Variants in MLIP observed in about 807,000 individuals in gnomAD.
MLIP encodes the protein muscular LMNA-interacting protein.
In MLIP, 79 loss-of-function variants were observed where a neutral mutation model predicts 84.8. The ratio of observed to expected loss-of-function variants is 0.93; its 90% CI spans 0.78 to 1.12. The LOEUF (loss-of-function observed/expected upper bound fraction) is 1.12, where lower values mean the gene tolerates loss of function less well. MLIP is among the 50% of genes most tolerant of loss of function. MLIP has a pLI of 0.00. For synonymous variants in MLIP, 504 were observed against 463.0 expected (o/e 1.09, Z -1.14); for missense variants, 1,257 against 1,160.6 (o/e 1.08, Z -1.21).
At position 54,157,193 on chromosome 6, in the gene MLIP, C is replaced by T. The variant is rs548019018; in HGVS notation, c.2290-3174C>T. ...AAAATCCTGTCCTGAGGAGCTGGCTCTTAATCCTGGTCTTTAATTTCTGAC... is the reference window on the plus strand; with the variant it reads ...AAAATCCTGTCCTGAGGAGCTGGCTTTTAATCCTGGTCTTTAATTTCTGAC... On this transcript the variant is annotated intron_variant, in intron 5 of 13. Transcript: ENST00000502396. Among the ~76,000 whole-genome samples, 5 of 152,166 alleles carry T rather than the reference C, an allele frequency of 3.3e-5. No homozygotes were observed. The South Asian group carries it at 1.0e-3, about 32-fold the overall frequency.
chr6:54,040,258 T>C (rs1764667599), intron 1 of MLIP, among the ~76,000 whole-genome samples: 1 of 151,970 alleles, frequency 6.6e-6, no homozygotes, highest in African/African-American at 2.4e-5. Flanking sequence ...GGACTGATGA[T>C]AACCCATTCA....
At chr6:54,202,823 A>G (rs1562052582) in intron 11 of MLIP, among the ~76,000 whole-genome samples, 1 of 152,200 alleles carries the variant, frequency 6.6e-6, no homozygotes, top group African/African-American at 2.4e-5. Flanking sequence ...GTTGAAGCCC[A>G]GGCGGTTGAG....
intron 1 of MLIP, among the ~76,000 whole-genome samples, chr6:54,076,329 T>C (rs531708043): frequency 2.0e-5 from 3 of 152,322 alleles, no homozygotes; most frequent in African/African-American, 7.2e-5. Context: ...TGTGCAAACA[T>C]TGGCAATGTG....
chr6:54,036,388 C>T (rs1345635673), intron 1 of MLIP, among the ~76,000 whole-genome samples: 1 of 151,824 alleles, frequency 6.6e-6, no homozygotes, highest in Non-Finnish European at 1.5e-5. Context: ...AACTCCCAGT[C>T]ACCAGTGTAT....
At chr6:54,153,710 G>T (rs1251599799) in intron 5 of MLIP, among the ~76,000 whole-genome samples, 3 of 151,946 alleles carry the variant, frequency 2.0e-5, no homozygotes, top group Non-Finnish European at 4.4e-5. Context: ...AATTTAACTG[G>T]GTATGGTGGC....
chr6:54,090,683 G>A (rs1767810979), intron 1 of MLIP, among the ~76,000 whole-genome samples: 1 of 151,286 alleles, frequency 6.6e-6, no homozygotes, highest in Admixed American at 6.6e-5. Context: ...GTGTGTGTGT[G>A]TGAGACAGAG....
intron 9 of MLIP, among the ~76,000 whole-genome samples, chr6:54,184,823 G>A (rs1461792824): frequency 6.6e-6 from 1 of 151,574 alleles, no homozygotes; most frequent in African/African-American, 2.4e-5. Flanking sequence ...TTTCTTATAT[G>A]ATTAAAACAA....
intron 1 of MLIP, among the ~76,000 whole-genome samples, chr6:54,059,709 A>G (rs1765855787): frequency 6.6e-6 from 1 of 152,174 alleles, no homozygotes; most frequent in Admixed American, 6.5e-5. Context: ...CAAGATTAGT[A>G]TTATTGGTAT....
chr6:54,130,987 G>A (rs1771325787), intron 3 of MLIP, among the ~76,000 whole-genome samples: 3 of 152,096 alleles, frequency 2.0e-5, no homozygotes, highest in South Asian at 2.1e-4. Context: ...AATCAGAAAA[G>A]GTAAGCGATT....
At chr6:54,087,916 C>T (rs1388543726) in intron 1 of MLIP, among the ~76,000 whole-genome samples, 1 of 151,710 alleles carries the variant, frequency 6.6e-6, no homozygotes, top group Non-Finnish European at 1.5e-5. Context: ...GCCTAAAGCT[C>T]TACCTGGGGA....
At chr6:54,136,443 A>G (rs1463822647) in intron 3 of MLIP, among the ~76,000 whole-genome samples, 1 of 152,226 alleles carries the variant, frequency 6.6e-6, no homozygotes, top group Non-Finnish European at 1.5e-5. Context: ...GCTGTCAACG[A>G]ATTATCTTCC....
At chr6:54,122,354 C>T (rs141183094) in intron 2 of MLIP, among the ~76,000 whole-genome samples, 1 of 151,990 alleles carries the variant, frequency 6.6e-6, no homozygotes, top group Non-Finnish European at 1.5e-5. Flanking sequence ...TTGATTGTAC[C>T]TATCTAAAAT....
chr6:54,130,779 T>C (rs577805957), intron 3 of MLIP, among the ~76,000 whole-genome samples: 14 of 152,156 alleles, frequency 9.2e-5, no homozygotes, highest in Admixed American at 7.9e-4. Context: ...ATTTGAAGGA[T>C]GAATACATTT....
chr6:54,045,889 T>C (rs1237541478), intron 1 of MLIP: 1 of 152,188 alleles, frequency 6.6e-6, no homozygotes, highest in Non-Finnish European at 1.5e-5. Context: ...AGGTAGTTAT[T>C]TATAGCAGTG....
At chr6:54,183,896 T>C (rs984208671) in intron 9 of MLIP, among the ~76,000 whole-genome samples, 2 of 152,022 alleles carry the variant, frequency 1.3e-5, no homozygotes, top group Non-Finnish European at 2.9e-5. Flanking sequence ...GAAGGCATGA[T>C]GTGTCATAAT....
intron 13 of MLIP, among the ~76,000 whole-genome samples, chr6:54,259,524 A>G (rs1783244437): frequency 6.6e-6 from 1 of 151,954 alleles, no homozygotes; most frequent in African/African-American, 2.4e-5. Context: ...TAGGTAATGC[A>G]AAAGACTTTG....
At chr6:54,139,665 TTTTCCCTATTTTGTACACCAA>T (rs1355478872) in intron 4 of MLIP, among the ~76,000 whole-genome samples, 1 of 152,172 alleles carries the variant, frequency 6.6e-6, no homozygotes, top group African/African-American at 2.4e-5. Context: ...GATAATACTA[TTTTCCCTATTTTGTACACCAA>T]AAAACTGAAG....
chr6:54,205,784 C>A (rs955428058), intron 11 of MLIP, among the ~76,000 whole-genome samples: 5 of 152,016 alleles, frequency 3.3e-5, no homozygotes, highest in African/African-American at 9.7e-5. Context: ...TTTAAAAAAA[C>A]GAAACCTTCA....
intron 9 of MLIP, among the ~76,000 whole-genome samples, chr6:54,172,656 T>C (rs1040309636): frequency 2.0e-5 from 3 of 151,126 alleles, no homozygotes; most frequent in Non-Finnish European, 3.0e-5. Context: ...AACAAGAAAG[T>C]GTATGGCTAA....
Sources: allele counts gnomAD v4.1 joint callset (sites outside exome capture counted in the v4.1 genomes callset), GRCh38; gene constraint gnomAD v4.1.1; transcripts MANE v1.5; gene names NCBI Gene and HGNC (gene_info 2026-07-23, HGNC 2026-07-21).